UTRN: variants seen among roughly 807,000 people sequenced by gnomAD.
UTRN encodes utrophin, also known as dystrophin-related protein 1.
Under a neutral mutation model 463.9 loss-of-function variants are expected in UTRN, and 283 were observed. That is an observed-to-expected ratio of 0.61 (90% CI 0.55 to 0.67). The LOEUF is 0.67. Among genes scored for constraint, UTRN ranks in the 30% least tolerant of loss-of-function variants. The pLI, the probability that UTRN is intolerant of heterozygous loss-of-function variation, is 0.00. For missense variants in UTRN, 3,922 were observed against 4,084.3 expected (o/e 0.96, Z 1.08); for synonymous variants, 1,442 against 1,431.5 (o/e 1.01, Z -0.17).
intron 51 of UTRN, among the ~76,000 whole-genome samples, chr6:144,662,487 G>T (rs921081834): frequency 6.6e-6 from 1 of 152,194 alleles, no homozygotes; most frequent in Non-Finnish European, 1.5e-5. Context: ...TCTCAGTCCT[G>T]TCTCTTCCTC....
intron 51 of UTRN, among the ~76,000 whole-genome samples, chr6:144,677,804 G>A (rs1457213119): frequency 6.6e-6 from 1 of 152,164 alleles, no homozygotes; most frequent in African/African-American, 2.4e-5. Context: ...TAACTGGCAG[G>A]AGATGGTATC....
intron 1 of UTRN, among the ~76,000 whole-genome samples, chr6:144,290,825 C>T (rs930446629): frequency 7.5e-6 from 1 of 132,504 alleles, no homozygotes; most frequent in South Asian, 2.4e-4. Flanking sequence ...AGTGCAGTGG[C>T]GTGATCTCAG....
At chr6:144,829,811 TATG>T (rs1780513280) in intron 69 of UTRN, among the ~76,000 whole-genome samples, 2 of 152,224 alleles carry the variant, frequency 1.3e-5, no homozygotes, top group Admixed American at 6.5e-5. Context: ...TTTTATTTAT[TATG>T]GTTATAAATA....
intron 53 of UTRN, among the ~76,000 whole-genome samples, chr6:144,714,977 C>T (rs1341118706): frequency 6.6e-6 from 1 of 151,922 alleles, no homozygotes; most frequent in African/African-American, 2.4e-5. Flanking sequence ...CTTCTCTCCC[C>T]TGTCTTCTAA....
chr6:144,661,705 T>C (rs1779886339), intron 51 of UTRN, among the ~76,000 whole-genome samples: 1 of 152,184 alleles, frequency 6.6e-6, no homozygotes, highest in South Asian at 2.1e-4. Flanking sequence ...ACATGAATAA[T>C]TCATTACTTA....
chr6:144,797,925 A>G lies in UTRN; in HGVS notation c.9180A>G (p.Ala3060=). The part of the protein sequence containing the change: ...VWLPVLHRVA[A]AETAKHQAKC... The stretch of plus-strand genomic sequence containing the variant: ...TCCCAGTTTTACATCGAGTGGCAGC[A>G]GCGGAGACTGCAAAACATCAGGCCA... The change falls in exon 64 of 75, where the codon GCA becomes GCG. Residue 3060 remains alanine (A), a synonymous_variant. Coordinates refer to ENST00000367545, the MANE Select transcript of UTRN (RefSeq NM_007124.3). The G allele has an allele frequency of 1.9e-6, 3 of 1,614,224 alleles. No individual in the cohort carries two copies. The highest frequency in any genetic ancestry group is 2.5e-6 in the Non-Finnish European group (3 of 1,180,018).
intron 51 of UTRN, chr6:144,659,925 C>T (rs1337091126): frequency 1.2e-5 from 3 of 254,610 alleles, no homozygotes; most frequent in Non-Finnish European, 2.4e-5. Flanking sequence ...TCCTGGACTT[C>T]CCAGAGAAAG....
intron 51 of UTRN, among the ~76,000 whole-genome samples, chr6:144,599,097 A>T (rs1446249061): frequency 1.3e-5 from 2 of 152,192 alleles, no homozygotes; most frequent in African/African-American, 4.8e-5. Context: ...GGTCTAGGAG[A>T]AATCTCATTT....
At chr6:144,347,837 G>GTTTTTTTGTTTT (rs1777719554) in intron 2 of UTRN, among the ~76,000 whole-genome samples, 1 of 128,902 alleles carries the variant, frequency 7.8e-6, no homozygotes, top group African/African-American at 3.4e-5. Flanking sequence ...CTTATTCTTT[G>GTTTTTTTGTTTT]TTTTTTTTTT....
intron 2 of UTRN, among the ~76,000 whole-genome samples, chr6:144,359,972 C>G (rs1778901602): frequency 6.6e-6 from 1 of 151,810 alleles, no homozygotes; most frequent in Non-Finnish European, 1.5e-5. Flanking sequence ...GATATATGTC[C>G]TGTAACAGAA....
At chr6:144,574,515 A>G (rs778028343) in intron 50 of UTRN, among the ~76,000 whole-genome samples, 3 of 152,098 alleles carry the variant, frequency 2.0e-5, no homozygotes, top group Non-Finnish European at 4.4e-5. Context: ...GTTTTTGGCC[A>G]TTACCAATAA....
intron 3 of UTRN, among the ~76,000 whole-genome samples, chr6:144,407,886 T>C (rs1027173427): frequency 6.6e-6 from 1 of 152,170 alleles, no homozygotes; most frequent in Admixed American, 6.5e-5. Flanking sequence ...TTAAAAGTTA[T>C]GAAGAGCTCA....
At chr6:144,375,703 A>AG (rs957574416) in intron 2 of UTRN, among the ~76,000 whole-genome samples, 4 of 152,026 alleles carry the variant, frequency 2.6e-5, no homozygotes, top group Non-Finnish European at 5.9e-5. Context: ...ATTCATTTTT[A>AG]GGGGGGATTC....
chr6:144,651,719 C>T (rs1339691984), intron 51 of UTRN, among the ~76,000 whole-genome samples: 1 of 152,224 alleles, frequency 6.6e-6, no homozygotes, highest in East Asian at 1.9e-4. Context: ...TCCTGAACTA[C>T]ATATAGTCTT....
rs181647334 is a variant in UTRN, at chr6:144,615,391, A to G, written c.7479+38103A>G. ...TTTAGACTGTTTTCTTTAGGAGTCC[A>G]CTTGTCTAACTTCAGTTGCCATCTC... is the stretch of plus-strand genomic sequence containing the variant. On this transcript the variant is annotated intron_variant, in intron 51 of 74. Coordinates refer to ENST00000367545, the MANE Select transcript of UTRN (RefSeq NM_007124.3). 1.8e-3 allele frequency among the ~76,000 whole-genome samples: 277 copies of G among 152,274 alleles called. 1 individual carries two copies. Among genetic ancestry groups the G allele is most frequent in the African/African-American group, 6.5e-3 (271 of 41,574 alleles).
intron 73 of UTRN, among the ~76,000 whole-genome samples, chr6:144,841,586 T>C (rs1781579582): frequency 6.6e-6 from 1 of 152,164 alleles, no homozygotes; most frequent in Non-Finnish European, 1.5e-5. Flanking sequence ...ACAAGTAAAC[T>C]GTATATATGT....
Position 144,447,679 on chromosome 6 carries a change from A to G in UTRN, c.1800A>G (p.Leu600=). 1 of 1,614,084 alleles carries G rather than the reference A, an allele frequency of 6.2e-7. No individual in the cohort carries two copies. The highest frequency in any genetic ancestry group is 8.5e-7 in the Non-Finnish European group (1 of 1,179,956). Residue 600 remains leucine (L), a synonymous_variant, in exon 16 of 75, where the codon TTA becomes TTG. Coordinates refer to ENST00000367545, the MANE Select transcript of UTRN (RefSeq NM_007124.3). ...AGATTGGCCAGGATGTGGGACAATT[A>G]CTTGATAATTCCAAGGCATCTAAGA... ...LSEIGQDVGQ[L]LDNSKASKKI...
intron 71 of UTRN, chr6:144,837,086 T>C (rs1781166048): frequency 1.3e-5 from 2 of 156,180 alleles, no homozygotes; most frequent in Admixed American, 1.2e-4. Context: ...AATACATGCA[T>C]GTATGGAGAA....
intron 51 of UTRN, among the ~76,000 whole-genome samples, chr6:144,633,401 T>G (rs1776751014): frequency 6.6e-6 from 1 of 152,130 alleles, no homozygotes. Context: ...GGCTAATATT[T>G]TGTATTTTTT....
Sources: allele counts gnomAD v4.1 joint callset (sites outside exome capture counted in the v4.1 genomes callset), GRCh38; gene constraint gnomAD v4.1.1; transcripts MANE v1.5; gene names NCBI Gene and HGNC (gene_info 2026-07-23, HGNC 2026-07-21).